The following SYN3 variants were observed in gnomAD, a reference collection of about 807,000 sequenced individuals.
SYN3 encodes synapsin III.
SYN3 carries 35 observed loss-of-function variants against 65.8 expected under a neutral mutation model. That is an observed-to-expected ratio of 0.53 (90% CI 0.41 to 0.70). SYN3 has a LOEUF of 0.70. SYN3 is among the 30% of genes least tolerant of loss of function. The probability of loss-of-function intolerance (pLI) is 0.00; values close to 1 mark genes in which losing one functional copy is unlikely to be tolerated. For missense variants in SYN3, 680 were observed against 749.0 expected, an observed-to-expected ratio of 0.91 and a Z score of 1.08; for synonymous variants, 270 against 292.9, an observed-to-expected ratio of 0.92 and a Z score of 0.80.
chr22:32,696,828 C>T (rs1249398696), intron 6 of SYN3, among the ~76,000 whole-genome samples: 1 of 152,092 alleles, frequency 6.6e-6, no homozygotes, highest in Middle Eastern at 3.2e-3. Flanking sequence ...CTCTGTTTCC[C>T]CTTCTTATCA....
chr22:32,732,607 G>A (rs914317181), intron 6 of SYN3, among the ~76,000 whole-genome samples: 2 of 152,126 alleles, frequency 1.3e-5, no homozygotes, highest in Admixed American at 1.3e-4. Flanking sequence ...CAATCTCCCT[G>A]GACATCGTAA....
intron 6 of SYN3, among the ~76,000 whole-genome samples, chr22:32,734,039 T>C (rs1252063370): frequency 6.6e-5 from 10 of 152,106 alleles, no homozygotes; most frequent in Admixed American, 2.6e-4. Flanking sequence ...GGTCCAGAAC[T>C]AAACAGACTG....
At chr22:32,992,098 G>C (rs1011455810) in intron 2 of SYN3, among the ~76,000 whole-genome samples, 1 of 129,592 alleles carries the variant, frequency 7.7e-6, no homozygotes, top group African/African-American at 2.6e-5. Flanking sequence ...CAGAAAACCA[G>C]GTTGTGGAGG....
chr22:32,801,977 C>T lies in SYN3; in HGVS notation c.711+62938G>A. On this transcript the variant is annotated intron_variant, in intron 6 of 13. Transcript: ENST00000358763. This position sits in a 1 kb window ranked among gnomAD's most constrained non-coding sequence, Gnocchi z 4.7. The stretch of plus-strand genomic sequence containing the variant: ...CAACTTTGGAGAGGCGAGCAGCAGC[C>T]CCGGCAGCGGCGGCAGCAGCGGCAA... 6.3e-7 allele frequency: 1 copy of T among 1,581,412 alleles called. No homozygotes were observed. Among genetic ancestry groups the T allele is most frequent in the South Asian group, 1.1e-5 (1 of 87,542 alleles).
intron 6 of SYN3, among the ~76,000 whole-genome samples, chr22:32,660,492 G>C (rs928880873): frequency 2.0e-5 from 3 of 152,182 alleles, no homozygotes; most frequent in Non-Finnish European, 2.9e-5. Context: ...TTGGTGGAGG[G>C]AAGAGACCAC....
intron 6 of SYN3, among the ~76,000 whole-genome samples, chr22:32,610,196 G>A (rs1273867547): frequency 6.6e-6 from 1 of 151,918 alleles, no homozygotes; most frequent in Non-Finnish European, 1.5e-5. Context: ...CAGGAGAATC[G>A]CTTGAACCCG....
chr22:32,697,670 G>T (rs2060755323), intron 6 of SYN3, among the ~76,000 whole-genome samples: 1 of 152,158 alleles, frequency 6.6e-6, no homozygotes, highest in South Asian at 2.1e-4. Context: ...TTCACTGAGG[G>T]TCAGCTGGGG....
intron 1 of SYN3, among the ~76,000 whole-genome samples, chr22:33,020,614 A>G (rs1569409669): frequency 2.0e-5 from 3 of 152,334 alleles, no homozygotes; most frequent in South Asian, 4.1e-4. Flanking sequence ...ATGACAAGCA[A>G]AAGGGGAGAA....
intron 6 of SYN3, among the ~76,000 whole-genome samples, chr22:32,738,163 C>T (rs756736514): frequency 2.0e-5 from 3 of 152,132 alleles, no homozygotes; most frequent in Non-Finnish European, 2.9e-5. Flanking sequence ...ACATTTTAGT[C>T]GCTTACCTGC....
At chr22:32,659,099 C>T (rs2060181828) in intron 6 of SYN3, among the ~76,000 whole-genome samples, 2 of 152,164 alleles carry the variant, frequency 1.3e-5, no homozygotes, top group African/African-American at 4.8e-5. Flanking sequence ...GGACTGGAAC[C>T]TACTTGAGGG....
At chr22:32,569,901 G>A (rs182331955) in intron 7 of SYN3, among the ~76,000 whole-genome samples, 1 of 152,304 alleles carries the variant, frequency 6.6e-6, no homozygotes, top group African/African-American at 2.4e-5. Context: ...TTAACCGTAA[G>A]CACCTTTATC....
At chr22:32,993,347 TTTTG>T (rs930501300) in intron 2 of SYN3, among the ~76,000 whole-genome samples, 4 of 152,136 alleles carry the variant, frequency 2.6e-5, no homozygotes, top group African/African-American at 4.8e-5. Context: ...AATAAATCTC[TTTTG>T]TTTGTTTGTT....
At chr22:32,555,825 C>T (rs1370217269) in intron 7 of SYN3, among the ~76,000 whole-genome samples, 7 of 152,126 alleles carry the variant, frequency 4.6e-5, no homozygotes, top group Non-Finnish European at 1.0e-4. Flanking sequence ...GGTATCAGCT[C>T]ATTAAGAAAC....
Position 33,042,599 on chromosome 22 carries a change from T to G in SYN3, c.-163+15693A>C, listed in dbSNP as rs779169801. On this transcript the variant is annotated intron_variant, in intron 1 of 13. Coordinates refer to ENST00000358763, the MANE Select transcript of SYN3 (RefSeq NM_003490.4). ...TCTCGTAACAGCAAACAGTCTCACATAGAACAACCACTCTAAAGGGCAGTT... is the reference window on the plus strand; with the variant it reads ...TCTCGTAACAGCAAACAGTCTCACAGAGAACAACCACTCTAAAGGGCAGTT... Among the ~76,000 whole-genome samples, 4 of 152,144 alleles carry G rather than the reference T, an allele frequency of 2.6e-5. No individual in the cohort carries two copies. The East Asian group carries it at 5.8e-4, about 22-fold the overall frequency.
Position 32,541,663 on chromosome 22 carries a change from G to C in SYN3, c.825C>G (p.Ala275=). Residue 275 remains alanine (A), a synonymous_variant, in exon 8 of 14, where the codon GCC becomes GCG. Coordinates refer to ENST00000358763, the MANE Select transcript of SYN3 (RefSeq NM_003490.4). ...CGGTGGTGGCGTAGGTTTTGGCCAT[G>C]GCGACCACGCTGGTGATGTCCTGGA... The part of the protein sequence containing the change: ...LDFQDITSVV[A]MAKTYATTEA... 6.2e-7 allele frequency: 1 copy of C among 1,614,096 alleles called. No individual in the cohort carries two copies. The highest frequency in any genetic ancestry group is 8.5e-7 in the Non-Finnish European group (1 of 1,180,022).
intron 1 of SYN3, among the ~76,000 whole-genome samples, chr22:33,055,719 C>T (rs182374544): frequency 1.3e-5 from 2 of 152,270 alleles, no homozygotes; most frequent in East Asian, 3.9e-4. Flanking sequence ...AAACTGAAGG[C>T]AAGGAGTCAA....
intron 6 of SYN3, among the ~76,000 whole-genome samples, chr22:32,792,559 C>T (rs7290713): frequency 0.15 from 22,674 of 152,108 alleles, 2,039 homozygotes; most frequent in African/African-American, 0.26. Flanking sequence ...GCCCTATCTA[C>T]GTAATACGAA....
At chr22:32,918,570 G>A (rs5998656) in intron 4 of SYN3, among the ~76,000 whole-genome samples, 168 of 151,806 alleles carry the variant, frequency 1.1e-3, no homozygotes, top group African/African-American at 4.0e-3. Flanking sequence ...AGCTAGAATC[G>A]CTTCAGGCAG....
intron 2 of SYN3, among the ~76,000 whole-genome samples, chr22:32,986,988 T>A (rs241712): frequency 2.6e-5 from 4 of 151,878 alleles, no homozygotes; most frequent in Non-Finnish European, 5.9e-5. Flanking sequence ...GGAATGGGTA[T>A]GGGGCTCTTT....
Sources: allele counts gnomAD v4.1 joint callset (sites outside exome capture counted in the v4.1 genomes callset), GRCh38; gene constraint gnomAD v4.1.1; non-coding constraint Gnocchi (gnomAD v3.1); transcripts MANE v1.5; gene names NCBI Gene and HGNC (gene_info 2026-07-23, HGNC 2026-07-21).